Variants in FRMD6 observed in about 807,000 individuals in gnomAD.
The protein encoded by FRMD6 is FERM domain containing 6.
In FRMD6, 37 loss-of-function variants were observed where a neutral mutation model predicts 73.2. That is an observed-to-expected ratio of 0.51 (90% confidence interval 0.39 to 0.66). FRMD6 has a LOEUF of 0.66. Among genes scored for constraint, FRMD6 ranks in the 30% least tolerant of loss-of-function variants. The pLI, the probability that FRMD6 is intolerant of heterozygous loss-of-function variation, is 0.00. For synonymous variants in FRMD6, 273 were observed against 282.2 expected, an observed-to-expected ratio of 0.97 and a Z score of 0.33; for missense variants, 714 against 780.5, an observed-to-expected ratio of 0.91 and a Z score of 1.02.
At chr14:51,415,014 TTTGCTGAAG>T in the FRMD6 span, among the ~76,000 whole-genome samples, 2 of 152,228 alleles carry the variant, frequency 1.3e-5, no homozygotes, top group African/African-American at 4.8e-5. Flanking sequence ...ATCTTGAGAT[TTTGCTGAAG>T]TTGCTTATCA....
intron 11 of FRMD6, 132 bp from the exon 12 acceptor site, chr14:51,721,817 C>T: frequency 5.6e-6 from 5 of 898,240 alleles, no homozygotes; most frequent in Non-Finnish European, 8.3e-6. Flanking sequence ...CCTGGAGTTT[C>T]CTATTGGAGT....
At chr14:51,495,262 C>T (rs537515407) in intron 1 of FRMD6, among the ~76,000 whole-genome samples, 1 of 152,322 alleles carries the variant, frequency 6.6e-6, no homozygotes, top group East Asian at 1.9e-4. Context: ...GAATGGCCTT[C>T]ATATCCATAT....
At chr14:51,630,695 C>T (rs575495566) in intron 2 of FRMD6, among the ~76,000 whole-genome samples, 1 of 152,194 alleles carries the variant, frequency 6.6e-6, no homozygotes, top group South Asian at 2.1e-4. Flanking sequence ...TGCAGTCAGC[C>T]ATGACTGCAC....
intron 1 of FRMD6, among the ~76,000 whole-genome samples, chr14:51,522,571 CT>C (rs375046931): frequency 3.7e-4 from 57 of 152,160 alleles, no homozygotes; most frequent in African/African-American, 1.2e-3. Flanking sequence ...AGAAAGTGCT[CT>C]AGGAAATGGA....
intron 1 of FRMD6, among the ~76,000 whole-genome samples, chr14:51,567,569 G>T (rs1158817160): frequency 6.6e-6 from 1 of 152,146 alleles, no homozygotes. Flanking sequence ...CAAACTCCAG[G>T]CCTCAAGCAA....
rs564429173 is a variant in FRMD6 at position 51,705,787 on chromosome 14, TA to T, written c.558+855del. Among the ~76,000 whole-genome samples, 369 of 152,228 alleles carry T rather than the reference TA, an allele frequency of 2.4e-3. 3 individuals are homozygous for T. Among genetic ancestry groups the T allele is most frequent in the African/African-American group, 8.6e-3 (356 of 41,534 alleles). On this transcript the variant is annotated intron_variant, in intron 6 of 13. Transcript: ENST00000344768. ...GTTAGGTTGCTTTATATCAATACAG[TA>T]AAGAAGTAAAAAATTAAATATGCAC...
chr14:51,607,048 C>T (rs1370092493), intron 2 of FRMD6, among the ~76,000 whole-genome samples: 1 of 152,060 alleles, frequency 6.6e-6, no homozygotes, highest in Non-Finnish European at 1.5e-5. Context: ...TTGAATGATG[C>T]CCACCCACAC....
Position 51,698,213 on chromosome 14 carries a change from T to G in FRMD6, c.171T>G (p.Phe57Leu). Residue 57 changes from phenylalanine (F) to leucine (L), a missense_variant, in exon 3 of 14, where the codon TTT (phenylalanine) becomes TTG (leucine). By Grantham distance (22) the Phe-to-Leu change is conservative. Transcript: ENST00000344768. ...TCAGGCTAAAGGACTGCCACCTCTTTGGACTCAGTGTTATACAAAGTAAGT... is the reference window on the plus strand; with the variant it reads ...TCAGGCTAAAGGACTGCCACCTCTTGGGACTCAGTGTTATACAAAGTAAGT... ...DLLRLKDCHL[F>L]GLSVIQNNEH... The G allele has an allele frequency of 1.9e-6, 3 of 1,612,088 alleles. No individual in the cohort carries two copies. Among genetic ancestry groups the G allele is most frequent in the Non-Finnish European group, 2.5e-6 (3 of 1,178,624 alleles).
chr14:51,705,255 A>G (rs570687201), intron 6 of FRMD6, among the ~76,000 whole-genome samples: 3 of 152,144 alleles, frequency 2.0e-5, no homozygotes, highest in Admixed American at 2.0e-4. Flanking sequence ...CTCCCTTTGA[A>G]GGCAGAAAAA....
At chr14:51,528,784 G>C (rs770641892) in intron 1 of FRMD6, among the ~76,000 whole-genome samples, 1 of 152,154 alleles carries the variant, frequency 6.6e-6, no homozygotes, top group Non-Finnish European at 1.5e-5. Flanking sequence ...GAATGGAATT[G>C]AACCATGTCC....
intron 1 of FRMD6, among the ~76,000 whole-genome samples, chr14:51,495,294 A>G (rs1280892578): frequency 6.6e-6 from 1 of 152,186 alleles, no homozygotes; most frequent in Non-Finnish European, 1.5e-5. Context: ...TCTGTTCACA[A>G]CAACCACTTA....
At chr14:51,671,540 G>A (rs926510279) in intron 1 of FRMD6, among the ~76,000 whole-genome samples, 7 of 152,040 alleles carry the variant, frequency 4.6e-5, no homozygotes, top group African/African-American at 1.7e-4. Context: ...TCTAGTTTGA[G>A]GCACTAAAAA....
At chr14:51,685,583 T>C (rs907257019) in intron 1 of FRMD6, among the ~76,000 whole-genome samples, 2 of 152,212 alleles carry the variant, frequency 1.3e-5, no homozygotes, top group African/African-American at 2.4e-5. Flanking sequence ...TAGGATACTA[T>C]ACATTAAAGA....
intron 2 of FRMD6, among the ~76,000 whole-genome samples, chr14:51,624,475 A>G (rs931359240): frequency 5.3e-5 from 8 of 152,192 alleles, no homozygotes; most frequent in African/African-American, 1.9e-4. Flanking sequence ...TATTAAAAGG[A>G]TAAATTGCAC....
chr14:51,536,736 A>C (rs1051494036), intron 1 of FRMD6, among the ~76,000 whole-genome samples: 1 of 152,234 alleles, frequency 6.6e-6, no homozygotes, highest in African/African-American at 2.4e-5. Context: ...TATTTTTAAA[A>C]GTTTTTAGAA....
At position 51,729,142 on chromosome 14, in the gene FRMD6, A is replaced by G. The variant is rs1167060816; in HGVS notation, c.*1113A>G. 2 of 152,188 alleles carry G rather than the reference A, an allele frequency of 1.3e-5. No homozygotes were observed. Among genetic ancestry groups the G allele is most frequent in the African/African-American group, 2.4e-5 (1 of 41,458 alleles). 9.4% of individuals were successfully genotyped at this position (152,188 alleles called of 1,614,324 possible). A position where few individuals can be genotyped will look rare whatever the true frequency, so the allele number is the denominator to read the frequency against. On this transcript the variant is annotated 3_prime_UTR_variant, in exon 14 of 14. Coordinates refer to ENST00000344768, the MANE Select transcript of FRMD6 (RefSeq NM_001267046.2). ...GGCCATGATTCTCAACACTGATTGT[A>G]TAACAGAATTTTGGGGGGAGCTTTT...
chr14:51,485,216 G>T (rs980638299), upstream of FRMD6, among the ~76,000 whole-genome samples: 5 of 152,114 alleles, frequency 3.3e-5, no homozygotes, highest in Non-Finnish European at 7.3e-5. Flanking sequence ...ATGCCTCCAC[G>T]GCCTTTGCTC....
At chr14:51,585,240 C>A (rs1888959096) in intron 2 of FRMD6, among the ~76,000 whole-genome samples, 1 of 152,162 alleles carries the variant, frequency 6.6e-6, no homozygotes, top group African/African-American at 2.4e-5. Context: ...CTATCCTAGG[C>A]CCCCAGTTCC....
chr14:51,494,684 C>T (rs1883195861), intron 1 of FRMD6, among the ~76,000 whole-genome samples: 1 of 152,178 alleles, frequency 6.6e-6, no homozygotes, highest in Admixed American at 6.5e-5. Flanking sequence ...CCCATGGCTG[C>T]ACTCCGCATT....
Sources: allele counts gnomAD v4.1 joint callset (sites outside exome capture counted in the v4.1 genomes callset), GRCh38; gene constraint gnomAD v4.1.1; transcripts MANE v1.5; gene names NCBI Gene and HGNC (gene_info 2026-07-23, HGNC 2026-07-21).